The following MSMO1 variants were observed in gnomAD, a reference collection of about 807,000 sequenced individuals.
MSMO1 encodes the protein C-4 methylsterol oxidase.
MSMO1 carries 18 observed loss-of-function variants against 30.4 expected under a neutral mutation model. The ratio of observed to expected loss-of-function variants is 0.59; its 90% confidence interval spans 0.41 to 0.88. The LOEUF (loss-of-function observed/expected upper bound fraction) is 0.88, where lower values mean the gene tolerates loss of function less well. MSMO1 is among the 40% of genes least tolerant of loss of function. The probability of loss-of-function intolerance (pLI) is 0.00; values close to 1 mark genes in which losing one functional copy is unlikely to be tolerated. For missense variants in MSMO1, 284 were observed against 340.5 expected (o/e 0.83, Z 1.31); for synonymous variants, 84 against 107.9 (o/e 0.78, Z 1.37).
In MSMO1 at chr4:165,338,611, A is replaced by G. The variant is rs1214212527; in HGVS notation, c.405-41A>G. 8 of 1,564,586 alleles carry G rather than the reference A, an allele frequency of 5.1e-6. No individual in the cohort carries two copies. In the Admixed American group the frequency reaches 6.7e-5, roughly 13 times the overall value. Reference sequence around the variant, plus strand: ...AACTAAAAGTCTGGATAGTTTAAGTAAAAATTATTTCTTACACATTACAAC... The same window carrying G: ...AACTAAAAGTCTGGATAGTTTAAGTGAAAATTATTTCTTACACATTACAAC... On this transcript the variant is annotated intron_variant, in intron 3 of 5. Transcript: ENST00000261507.
intron 1 of MSMO1, among the ~76,000 whole-genome samples, chr4:165,330,802 A>G (rs923304034): frequency 6.6e-6 from 1 of 152,090 alleles, no homozygotes; most frequent in Non-Finnish European, 1.5e-5. Flanking sequence ...ATTTCAAGCG[A>G]TTCACCTGAA....
In MSMO1 at chr4:165,332,498, A is replaced by G. The variant is rs1387891433; in HGVS notation, c.-31-842A>G. Among the ~76,000 whole-genome samples, 4 of 152,332 alleles carry G rather than the reference A, an allele frequency of 2.6e-5. No homozygotes were observed. In the South Asian group the frequency reaches 6.2e-4, roughly 24 times the overall value. ...AGCGGATCTGTCTTTGTACCCTTGA[A>G]TGAGAAAGTTGCTGGATCAAAGGAT... On this transcript the variant is annotated intron_variant, in intron 1 of 5. Transcript: ENST00000261507.
intron 1 of MSMO1, among the ~76,000 whole-genome samples, chr4:165,328,374 G>A (rs998461132): frequency 6.6e-6 from 1 of 152,204 alleles, no homozygotes; most frequent in Non-Finnish European, 1.5e-5. Context: ...CAATCACAGC[G>A]GGGCTTGATC....
intron 2 of MSMO1, among the ~76,000 whole-genome samples, 189 bp from the exon 3 acceptor site, chr4:165,337,598 AAC>A (rs757989997): frequency 1.2e-4 from 19 of 152,220 alleles, no homozygotes; most frequent in Non-Finnish European, 2.6e-4. Context: ...CGCATCTGTT[AAC>A]AGTTTCTTCA....
intron 4 of MSMO1, among the ~76,000 whole-genome samples, chr4:165,339,031 A>G (rs988965633): frequency 6.6e-5 from 10 of 150,606 alleles, no homozygotes; most frequent in Non-Finnish European, 1.5e-4. Flanking sequence ...GGACAGTGCT[A>G]CACTGGCACA....
chr4:165,338,661 T>A lies in MSMO1; in HGVS notation c.414T>A (p.Leu138=). ...CATTTTTATCTTAAAGGTATTTTCT[T>A]TTGGCAAGATGCTTTGGTTGTGCAG... ...DWERMPRWYF[L]LARCFGCAVI... is the part of the protein sequence containing the mutation. Residue 138 remains leucine (L), a synonymous_variant, in exon 4 of 6, where the codon CTT becomes CTA. Transcript: ENST00000261507. The A allele has an allele frequency of 6.2e-7, 1 of 1,609,746 alleles. No individual in the cohort carries two copies. The highest frequency in any genetic ancestry group is 8.5e-7 in the Non-Finnish European group (1 of 1,176,154).
chr4:165,341,493 C>T (rs1189197236), intron 5 of MSMO1, among the ~76,000 whole-genome samples: 5 of 151,886 alleles, frequency 3.3e-5, no homozygotes, highest in East Asian at 3.9e-4. Flanking sequence ...TACTATAATC[C>T]GTCTCTTCCA....
chr4:165,333,204 T>C (rs1433244786), intron 1 of MSMO1, 136 bp from the exon 2 acceptor site: 3 of 612,536 alleles, frequency 4.9e-6, no homozygotes, highest in Non-Finnish European at 8.1e-6. Flanking sequence ...TGTACTCCTT[T>C]AGTAATTTTT....
Position 165,342,617 on chromosome 4 carries a change from A to G in MSMO1, c.*671A>G, listed in dbSNP as rs911189311. The G allele has an allele frequency of 1.2e-4, 19 of 152,356 alleles. No individual in the cohort carries two copies. The highest frequency in any genetic ancestry group is 4.1e-4 in the African/African-American group (17 of 41,454). 9.4% of individuals were successfully genotyped at this position (152,356 alleles called of 1,614,324 possible). A position where few individuals can be genotyped will look rare whatever the true frequency, so the allele number is the denominator to read the frequency against. ...AGTGATCTGCCCACCTTGGCCTCCC[A>G]AAGTGCTGGGATTACAGGTGTAAGC... On this transcript the variant is annotated 3_prime_UTR_variant, in exon 6 of 6. Coordinates refer to ENST00000261507, the MANE Select transcript of MSMO1 (RefSeq NM_006745.5).
intron 2 of MSMO1, among the ~76,000 whole-genome samples, chr4:165,335,690 G>A (rs76443773): frequency 0.013 from 1,927 of 152,216 alleles, 43 homozygotes; most frequent in African/African-American, 0.043. Context: ...CTCAGGCAAG[G>A]GTATATGAGC....
chr4:165,334,235 T>C (rs1747478309), intron 2 of MSMO1, among the ~76,000 whole-genome samples: 1 of 152,218 alleles, frequency 6.6e-6, no homozygotes, highest in South Asian at 2.1e-4. Context: ...ATGTTTAAAG[T>C]GTTTGGAAGC....
chr4:165,327,889 G>C (rs1297587591), intron 1 of MSMO1, 125 bp downstream of exon 1: 1 of 152,516 alleles, frequency 6.6e-6, no homozygotes, highest in Non-Finnish European at 1.5e-5. Flanking sequence ...CGGGACGCTG[G>C]CAGTGGTACC....
chr4:165,337,673 A>G, intron 2 of MSMO1, 116 bp from the exon 3 acceptor site: 2 of 1,019,166 alleles, frequency 2.0e-6, no homozygotes, highest in South Asian at 2.8e-5. Flanking sequence ...TCTTAGTTAT[A>G]TAAAGTTAAC....
chr4:165,333,502 T>C lies in MSMO1; in HGVS notation c.132T>C (p.Tyr44=), dbSNP rs1234219234. Residue 44 remains tyrosine (Y), a synonymous_variant, in exon 2 of 6, where the codon TAT becomes TAC. Transcript: ENST00000261507. ...KNAWNYMLNN[Y]TKFQIATWGS... ...CTTGGAACTATATGTTGAATAATTA[T>C]ACAAAGTTCCAGATTGCAACATGGG... 1 of 1,613,662 alleles carries C rather than the reference T, an allele frequency of 6.2e-7. No homozygotes were observed. The highest frequency in any genetic ancestry group is 1.1e-5 in the South Asian group (1 of 91,000).
At chr4:165,339,464 C>CGT (rs1747658101) in intron 4 of MSMO1, among the ~76,000 whole-genome samples, 1 of 151,936 alleles carries the variant, frequency 6.6e-6, no homozygotes, top group East Asian at 1.9e-4. Context: ...TTGCATTGAC[C>CGT]GTGATTACAT....
intron 3 of MSMO1, 72 bp from the exon 4 acceptor site, chr4:165,338,580 G>A: frequency 7.3e-7 from 1 of 1,361,902 alleles, no homozygotes; most frequent in Non-Finnish European, 1.0e-6. Context: ...CTCAAGCAGT[G>A]ATCCCAACTA....
At chr4:165,332,848 A>T (rs980766700) in intron 1 of MSMO1, among the ~76,000 whole-genome samples, 1 of 152,124 alleles carries the variant, frequency 6.6e-6, no homozygotes, top group Admixed American at 6.6e-5. Flanking sequence ...CTTTGTTGTA[A>T]AATGTTGGAA....
chr4:165,334,817 C>T (rs970813382), intron 2 of MSMO1, among the ~76,000 whole-genome samples: 4 of 152,092 alleles, frequency 2.6e-5, no homozygotes, highest in Non-Finnish European at 5.9e-5. Flanking sequence ...GAAAGTAGAC[C>T]ATTGAGAGTA....
chr4:165,338,723 T>TC lies in MSMO1; in HGVS notation c.477dup (p.His161ThrfsTer11). On this transcript the variant is annotated frameshift_variant, in exon 4 of 6. Coordinates refer to ENST00000261507, the MANE Select transcript of MSMO1 (RefSeq NM_006745.5). LOFTEE classifies it high-confidence loss of function. ...ACTTGGCACTATTTTCTGCATAGAC[T>TC]CTTACACCACAAAAGAATATACAAG... The TC allele has an allele frequency of 6.3e-7, 1 of 1,598,454 alleles. No homozygotes were observed. The highest frequency in any genetic ancestry group is 8.6e-7 in the Non-Finnish European group (1 of 1,165,924).
Sources: gnomAD v4.1 joint callset for allele counts (sites outside exome capture counted in the v4.1 genomes callset) on GRCh38, gnomAD v4.1.1 for gene constraint, MANE v1.5 for transcripts, NCBI Gene and HGNC (gene_info 2026-07-23, HGNC 2026-07-21) for gene names.